SYT16: variants seen among roughly 807,000 people sequenced by gnomAD.
SYT16 encodes the protein synaptotagmin 16.
A neutral mutation model predicts 61.4 loss-of-function variants in SYT16; 42 were observed. The ratio of observed to expected loss-of-function variants is 0.68; its 90% CI spans 0.53 to 0.89. The LOEUF (loss-of-function observed/expected upper bound fraction) is 0.89. Among genes scored for constraint, SYT16 ranks in the 40% least tolerant of loss-of-function variants. The pLI is 0.00. For synonymous variants in SYT16, 314 were observed against 302.3 expected (o/e 1.04, Z -0.40); for missense variants, 804 against 807.3 (o/e 1.00, Z 0.05).
intron 1 of SYT16, among the ~76,000 whole-genome samples, chr14:61,828,925 C>A (rs2045854745): frequency 6.6e-6 from 1 of 152,158 alleles, no homozygotes; most frequent in Admixed American, 6.5e-5. Context: ...TTAGGGAAAA[C>A]ACCACCACCA....
In SYT16 at chr14:62,009,182, T is replaced by C. The variant is rs74384519; in HGVS notation, c.523+12640T>C. Among the ~76,000 whole-genome samples the C allele has an allele frequency of 5.6e-3, 848 of 152,290 alleles. 21 individuals carry two copies. The East Asian group carries it at 0.07, about 13-fold the overall frequency. On this transcript the variant is annotated intron_variant, in intron 3 of 7. Coordinates refer to ENST00000683842, the MANE Select transcript of SYT16 (RefSeq NM_001367656.1). ...TATTAGAAGTTGTCTGTTTGTTTAG[T>C]AGCAAGTTTAAATAATGAACAAATG...
intron 1 of SYT16, among the ~76,000 whole-genome samples, chr14:61,881,787 A>G (rs1269856938): frequency 6.6e-6 from 1 of 152,146 alleles, no homozygotes; most frequent in Non-Finnish European, 1.5e-5. Context: ...GGGTACCTCA[A>G]CTTCAACATG....
intron 1 of SYT16, among the ~76,000 whole-genome samples, chr14:61,856,137 G>A (rs2046767694): frequency 6.6e-6 from 1 of 152,194 alleles, no homozygotes; most frequent in Admixed American, 6.5e-5. Context: ...GTGACGGGAT[G>A]GCCCCTGGAA....
At chr14:61,937,278 A>T (rs529249439) in intron 1 of SYT16, among the ~76,000 whole-genome samples, 6 of 152,368 alleles carry the variant, frequency 3.9e-5, no homozygotes, top group African/African-American at 1.4e-4. Flanking sequence ...CATGCCTTGC[A>T]GTTTGAAATG....
At chr14:62,020,887 G>T (rs1177559601) in intron 3 of SYT16, among the ~76,000 whole-genome samples, 1 of 152,164 alleles carries the variant, frequency 6.6e-6, no homozygotes, top group East Asian at 1.9e-4. Flanking sequence ...CAGGTGGCTT[G>T]AGAAAGAGCA....
At position 62,075,146 on chromosome 14, in the gene SYT16, GC is replaced by G. The variant is rs754285330; in HGVS notation, c.750del (p.Ser251AlafsTer104). 6.2e-7 allele frequency: 1 copy of G among 1,606,524 alleles called. No homozygotes were observed. The highest frequency in any genetic ancestry group is 1.3e-5 in the African/African-American group (1 of 74,832). The part of the protein sequence containing the change: ...EVSACEDLDG[A>X]SQRRYSENLS... ...TATTGCAAATTTAGATTTGGATGGAGCCAGCCAACGGCGTTATTCTGAGAAT... is the reference window on the plus strand; with the variant it reads ...TATTGCAAATTTAGATTTGGATGGAGCAGCCAACGGCGTTATTCTGAGAAT... On this transcript the variant is annotated frameshift_variant, in exon 5 of 8. Transcript: ENST00000683842. LOFTEE classifies it high-confidence loss of function.
At chr14:61,886,018 G>T (rs1228606620) in intron 1 of SYT16, among the ~76,000 whole-genome samples, 2 of 149,916 alleles carry the variant, frequency 1.3e-5, no homozygotes, top group Non-Finnish European at 3.0e-5. Flanking sequence ...AGGCTGGAGT[G>T]CAGTGGAGCG....
chr14:61,848,531 G>A (rs2046512180), intron 1 of SYT16, among the ~76,000 whole-genome samples: 2 of 152,188 alleles, frequency 1.3e-5, no homozygotes, highest in South Asian at 4.1e-4. Flanking sequence ...CCTGGAACCA[G>A]CACAACACTG....
rs1236660278 is a variant in SYT16 at position 62,106,749 on chromosome 14, T to C, written c.*6042T>C. The C allele has an allele frequency of 6.6e-6, 1 of 152,142 alleles. No homozygotes were observed. Among genetic ancestry groups the C allele is most frequent in the African/African-American group, 2.4e-5 (1 of 41,438 alleles). 9.4% of individuals were successfully genotyped at this position (152,142 alleles called of 1,614,324 possible). ...CCTCTCCTATGGTGCTTTGACTGTT[T>C]TTGTTTCCCTTGGGTCACAAAACCA... is the stretch of plus-strand genomic sequence containing the variant. On this transcript the variant is annotated 3_prime_UTR_variant, in exon 8 of 8. Coordinates refer to ENST00000683842, the MANE Select transcript of SYT16 (RefSeq NM_001367656.1).
At chr14:62,063,908 G>A (rs1261820397) in intron 3 of SYT16, among the ~76,000 whole-genome samples, 3 of 152,164 alleles carry the variant, frequency 2.0e-5, no homozygotes, top group African/African-American at 4.8e-5. Flanking sequence ...AAGATTGCGG[G>A]AGAGTCAGCT....
chr14:62,068,034 C>T (rs879884797), intron 3 of SYT16, among the ~76,000 whole-genome samples: 33 of 151,996 alleles, frequency 2.2e-4, no homozygotes, highest in Non-Finnish European at 3.8e-4. Context: ...ATCCACAAGT[C>T]CATCTTCTGG....
At chr14:61,926,978 G>A (rs1023869933) in intron 1 of SYT16, among the ~76,000 whole-genome samples, 7 of 152,130 alleles carry the variant, frequency 4.6e-5, no homozygotes, top group African/African-American at 1.7e-4. Flanking sequence ...TAGTAATCCT[G>A]TAACAAAGAC....
intron 1 of SYT16, among the ~76,000 whole-genome samples, chr14:61,917,393 A>C (rs2049161956): frequency 6.6e-6 from 1 of 152,194 alleles, no homozygotes; most frequent in East Asian, 1.9e-4. Flanking sequence ...TTCACGGACA[A>C]GTAAATAAGC....
At chr14:61,964,254 A>G (rs2051221155) in intron 1 of SYT16, among the ~76,000 whole-genome samples, 1 of 152,186 alleles carries the variant, frequency 6.6e-6, no homozygotes, top group Admixed American at 6.6e-5. Flanking sequence ...GCACATTGAA[A>G]ACATTTGGAA....
At chr14:61,871,385 G>T (rs2047327601) in intron 1 of SYT16, among the ~76,000 whole-genome samples, 1 of 152,112 alleles carries the variant, frequency 6.6e-6, no homozygotes, top group South Asian at 2.1e-4. Flanking sequence ...GTCTGTGAAT[G>T]TCTCTTCTGC....
rs551544300 is a variant in SYT16 at position 62,090,969 on chromosome 14, G to A, written c.1624+6584G>A. On this transcript the variant is annotated intron_variant, in intron 7 of 7. Transcript: ENST00000683842. Reference sequence around the variant, plus strand: ...TTATTCACTATCATGAGAACAGCACGGAAAGACCCACCCCCATGATTCAGT... The same window carrying A: ...TTATTCACTATCATGAGAACAGCACAGAAAGACCCACCCCCATGATTCAGT... Among the ~76,000 whole-genome samples the A allele has an allele frequency of 9.7e-4, 148 of 152,212 alleles. 1 individual carries two copies. The South Asian group carries it at 0.013, about 14-fold the overall frequency.
At chr14:62,081,395 C>A (rs953655418) in intron 6 of SYT16, 121 bp downstream of exon 6, 21 of 1,099,288 alleles carry the variant, frequency 1.9e-5, no homozygotes, top group African/African-American at 3.2e-5. Context: ...TTCCATTTGG[C>A]TCTCCTCACC....
At chr14:61,946,501 A>G (rs764647556) in intron 1 of SYT16, among the ~76,000 whole-genome samples, 14 of 152,212 alleles carry the variant, frequency 9.2e-5, no homozygotes, top group Non-Finnish European at 1.9e-4. Flanking sequence ...GCCAGAATTC[A>G]TGACACAATA....
chr14:62,016,734 T>C lies in SYT16; in HGVS notation c.523+20192T>C, dbSNP rs540391256. On this transcript the variant is annotated intron_variant, in intron 3 of 7. Coordinates refer to ENST00000683842, the MANE Select transcript of SYT16 (RefSeq NM_001367656.1). ...TCTCAAAAAAGAAAAAAAATAAAGT[T>C]ATGGCATTGCTTATAATGGGATTCT... Among the ~76,000 whole-genome samples the C allele has an allele frequency of 1.8e-3, 271 of 152,010 alleles. 1 individual carries two copies. The highest frequency in any genetic ancestry group is 6.0e-3 in the African/African-American group (248 of 41,496).
Sources: allele counts gnomAD v4.1 joint callset (sites outside exome capture counted in the v4.1 genomes callset), GRCh38; gene constraint gnomAD v4.1.1; transcripts MANE v1.5; gene names NCBI Gene and HGNC (gene_info 2026-07-23, HGNC 2026-07-21).